The following CELF2 variants were observed in gnomAD, a reference collection of about 807,000 sequenced individuals.
The protein encoded by CELF2 is CUGBP Elav-like family member 2, also known as CUG triplet repeat RNA-binding protein 2.
A neutral mutation model predicts 62.6 loss-of-function variants in CELF2; 8 were observed. The ratio of observed to expected loss-of-function variants is 0.13; its 90% confidence interval spans 0.07 to 0.23. The LOEUF (loss-of-function observed/expected upper bound fraction) is 0.23, where lower values mean the gene tolerates loss of function less well. Among genes scored for constraint, CELF2 ranks in the 10% least tolerant of loss-of-function variants. The pLI is 1.00. For missense variants in CELF2, 333 were observed against 671.0 expected (o/e 0.50, Z 5.56); for synonymous variants, 258 against 250.0 (o/e 1.03, Z -0.30).
the CELF2 span, among the ~76,000 whole-genome samples, chr10:10,613,445 G>A: frequency 6.6e-5 from 10 of 152,176 alleles, no homozygotes; most frequent in East Asian, 3.8e-4. Flanking sequence ...ATTGGCATGC[G>A]GAATCAATGT....
intron 1 of CELF2, among the ~76,000 whole-genome samples, chr10:10,902,400 T>C (rs533433844): frequency 6.6e-6 from 1 of 152,350 alleles, no homozygotes; most frequent in African/African-American, 2.4e-5. Flanking sequence ...TACAATTGAA[T>C]GCTACTCAGC....
chr10:10,526,247 T>C, the CELF2 span, among the ~76,000 whole-genome samples: 2 of 152,204 alleles, frequency 1.3e-5, no homozygotes, highest in African/African-American at 4.8e-5. Flanking sequence ...GAATCAAAAA[T>C]AATAGGCTGT....
chr10:11,235,004 C>T (rs1481266654), intron 3 of CELF2, among the ~76,000 whole-genome samples: 1 of 152,176 alleles, frequency 6.6e-6, no homozygotes, highest in Non-Finnish European at 1.5e-5. Flanking sequence ...ATCCCTGCTT[C>T]AAACATGAGT....
chr10:10,592,037 T>C, the CELF2 span, among the ~76,000 whole-genome samples: 1 of 152,074 alleles, frequency 6.6e-6, no homozygotes, highest in Admixed American at 6.5e-5. Context: ...AAAAAATCCG[T>C]AATCAACATA....
At chr10:10,714,493 GA>G in the CELF2 span, among the ~76,000 whole-genome samples, 14 of 151,906 alleles carry the variant, frequency 9.2e-5, no homozygotes, top group Non-Finnish European at 1.3e-4. Context: ...TGAACTAGGG[GA>G]AAAAAAATCA....
intron 1 of CELF2, among the ~76,000 whole-genome samples, chr10:10,817,202 T>G (rs2056542604): frequency 1.3e-5 from 2 of 152,212 alleles, no homozygotes; most frequent in Admixed American, 6.5e-5. Flanking sequence ...TTTCCTTTTT[T>G]TAATTTTTGT....
In CELF2 at chr10:11,019,941, G is replaced by T. The variant is rs1004126795; in HGVS notation, c.74+1778G>T. ...GCCTAATCATGATTTTGAATTTATG[G>T]TCACCTGCTACTTAAGTGACCATAA... is the stretch of plus-strand genomic sequence containing the variant. On this transcript the variant is annotated intron_variant, in intron 1 of 12. Transcript: ENST00000633077. 9.8e-5 allele frequency among the ~76,000 whole-genome samples: 15 copies of T among 152,298 alleles called. 1 individual carries two copies. The South Asian group carries it at 2.5e-3, about 25-fold the overall frequency.
chr10:11,066,922 A>C (rs116839663), intron 1 of CELF2, among the ~76,000 whole-genome samples: 3,263 of 152,196 alleles, frequency 0.021, 121 homozygotes, highest in African/African-American at 0.074. Context: ...TGTCGGTTGT[A>C]AACAGCACAG....
chr10:10,689,089 T>A, the CELF2 span, among the ~76,000 whole-genome samples: 1 of 152,154 alleles, frequency 6.6e-6, no homozygotes, highest in Middle Eastern at 3.2e-3. Flanking sequence ...TTTGTTACCT[T>A]TTGTATTAGT....
chr10:11,170,702 A>C (rs556271313), intron 2 of CELF2, among the ~76,000 whole-genome samples: 2 of 152,254 alleles, frequency 1.3e-5, no homozygotes, highest in African/African-American at 4.8e-5. Flanking sequence ...AAGGGTTGGC[A>C]GTTGATGTTC....
the CELF2 span, among the ~76,000 whole-genome samples, chr10:10,489,981 G>A: frequency 6.6e-6 from 1 of 152,122 alleles, no homozygotes; most frequent in African/African-American, 2.4e-5. Flanking sequence ...TCAGATGTCA[G>A]AAGGAAAGAT....
rs1043356436 is a variant in CELF2 at position 11,316,804 on chromosome 10, G to A, written c.1096+2546G>A. ...CCTCTCCCAAAAAACGAAGTTTTTGGTCAGTAGACAAGTAGCTCAATTAAA... is the reference window on the plus strand; with the variant it reads ...CCTCTCCCAAAAAACGAAGTTTTTGATCAGTAGACAAGTAGCTCAATTAAA... On this transcript the variant is annotated intron_variant, in intron 10 of 12. Transcript: ENST00000633077. This position sits in a 1 kb window ranked among gnomAD's most constrained non-coding sequence, Gnocchi z 4.4. 1 of 152,150 alleles carries A rather than the reference G, an allele frequency of 6.6e-6. No homozygotes were observed. 9.4% of individuals were successfully genotyped at this position (152,150 alleles called of 1,614,324 possible).
intron 1 of CELF2, among the ~76,000 whole-genome samples, chr10:11,087,087 G>C (rs901747358): frequency 6.6e-6 from 1 of 152,130 alleles, no homozygotes; most frequent in Admixed American, 6.5e-5. Context: ...TGGGAAGACT[G>C]CTCCCCAAAA....
intron 5 of CELF2, among the ~76,000 whole-genome samples, chr10:11,264,065 A>G (rs1013940927): frequency 6.6e-6 from 1 of 152,260 alleles, no homozygotes; most frequent in African/African-American, 2.4e-5. Flanking sequence ...CACTGCCAAT[A>G]GAATTAAAAG....
intron 7 of CELF2, among the ~76,000 whole-genome samples, chr10:11,273,968 A>ACCCCCCCCCCCCCCCCCCCC (rs10612614): frequency 7.3e-5 from 7 of 96,466 alleles, no homozygotes; most frequent in South Asian, 3.7e-4. Flanking sequence ...AGTGATCCCC[A>ACCCCCCCCCCCCCCCCCCCC]CCCCCCCCCC....
At chr10:11,023,612 A>G (rs74675154) in intron 1 of CELF2, among the ~76,000 whole-genome samples, 1 of 152,344 alleles carries the variant, frequency 6.6e-6, no homozygotes, top group East Asian at 1.9e-4. Context: ...GACTCCTCCT[A>G]AAGGACTTTT....
the CELF2 span, among the ~76,000 whole-genome samples, chr10:10,478,248 G>A: frequency 2.0e-5 from 3 of 152,130 alleles, no homozygotes; most frequent in Non-Finnish European, 4.4e-5. Context: ...TACATTAAGA[G>A]TTTCCACCCA....
chr10:11,009,003 T>C (rs1187605300), intron 1 of CELF2, among the ~76,000 whole-genome samples: 12 of 12,044 alleles, frequency 1.0e-3, no homozygotes, highest in Non-Finnish European at 1.9e-3. Context: ...CTGGGGAATT[T>C]GCGGGGGGGG....
chr10:11,194,336 T>C (rs2056843519), intron 2 of CELF2, among the ~76,000 whole-genome samples: 1 of 152,092 alleles, frequency 6.6e-6, no homozygotes, highest in Non-Finnish European at 1.5e-5. Context: ...AGTGCTGGGA[T>C]TACAGGTGTG....
Sources: gnomAD v4.1 joint callset for allele counts (sites outside exome capture counted in the v4.1 genomes callset) on GRCh38, gnomAD v4.1.1 for gene constraint, Gnocchi (gnomAD v3.1) non-coding constraint, MANE v1.5 for transcripts, NCBI Gene and HGNC (gene_info 2026-07-23, HGNC 2026-07-21) for gene names.